The following NOL4 variants were observed in gnomAD, a reference collection of about 807,000 sequenced individuals.
The protein encoded by NOL4 is nucleolar protein 4.
In NOL4, 17 loss-of-function variants were observed where a neutral mutation model predicts 75.9. The ratio of observed to expected loss-of-function variants is 0.22; its 90% CI spans 0.15 to 0.34. NOL4 has a LOEUF of 0.34. Ranked by LOEUF, NOL4 falls within the 10% of genes least tolerant of loss-of-function variation. NOL4 has a pLI of 1.00. For missense variants in NOL4, 614 were observed against 793.5 expected (o/e 0.77, Z 2.72); for synonymous variants, 292 against 289.9 (o/e 1.01, Z -0.07).
intron 5 of NOL4, among the ~76,000 whole-genome samples, chr18:34,041,431 A>G (rs1381145005): frequency 6.6e-6 from 1 of 151,174 alleles, no homozygotes; most frequent in Non-Finnish European, 1.5e-5. Context: ...ATCCTCCTCT[A>G]TGTGGCAGGT....
At chr18:33,910,275 G>A (rs1172615165) in intron 9 of NOL4, among the ~76,000 whole-genome samples, 1 of 152,154 alleles carries the variant, frequency 6.6e-6, no homozygotes, top group Non-Finnish European at 1.5e-5. Flanking sequence ...TATACCCACT[G>A]TGAACTTAAG....
intron 6 of NOL4, among the ~76,000 whole-genome samples, chr18:33,980,095 G>A (rs1300577666): frequency 2.6e-5 from 4 of 151,878 alleles, no homozygotes; most frequent in African/African-American, 7.3e-5. Context: ...AACAATTTTT[G>A]GATTTGTCAC....
chr18:34,198,150 CAACT>C (rs1371214752), intron 1 of NOL4, among the ~76,000 whole-genome samples: 4 of 151,732 alleles, frequency 2.6e-5, no homozygotes, highest in Admixed American at 1.3e-4. Flanking sequence ...AGAATAAAAA[CAACT>C]TGAATTTTTG....
chr18:34,003,194 T>C (rs1158313437), intron 6 of NOL4, among the ~76,000 whole-genome samples: 3 of 152,108 alleles, frequency 2.0e-5, no homozygotes, highest in Non-Finnish European at 4.4e-5. Flanking sequence ...TGGATTTTAT[T>C]GATATTTCCC....
chr18:34,135,702 A>AAAAAAAAC (rs1162521531), intron 1 of NOL4, among the ~76,000 whole-genome samples: 1 of 150,420 alleles, frequency 6.6e-6, no homozygotes, highest in Non-Finnish European at 1.5e-5. Flanking sequence ...CATCTCAAAA[A>AAAAAAAAC]AAAAAAAAAG....
intron 9 of NOL4, among the ~76,000 whole-genome samples, chr18:33,894,930 C>G (rs2065308768): frequency 6.6e-6 from 1 of 151,944 alleles, no homozygotes; most frequent in African/African-American, 2.4e-5. Context: ...TGACTGTAGT[C>G]AATAATGATA....
chr18:34,167,647 T>C (rs942684054), intron 1 of NOL4, among the ~76,000 whole-genome samples: 2 of 152,016 alleles, frequency 1.3e-5, no homozygotes, highest in East Asian at 3.9e-4. Context: ...CACATATGTA[T>C]GTGAAATCTT....
rs556093968 is a variant in NOL4 at position 34,184,184 on chromosome 18, G to A, written c.264+38806C>T. 8.2e-4 allele frequency among the ~76,000 whole-genome samples: 125 copies of A among 151,732 alleles called. 1 individual carries two copies. The highest frequency in any genetic ancestry group is 2.7e-3 in the African/African-American group (112 of 41,460). Reference sequence around the variant, plus strand: ...GCAAAGTAATTTCAAAGCTTCAGCCGAATTGAAACTGCAAACAGGCTCAGT... The same window carrying A: ...GCAAAGTAATTTCAAAGCTTCAGCCAAATTGAAACTGCAAACAGGCTCAGT... On this transcript the variant is annotated intron_variant, in intron 1 of 10. Coordinates refer to ENST00000261592, the MANE Select transcript of NOL4 (RefSeq NM_003787.5).
intron 5 of NOL4, among the ~76,000 whole-genome samples, chr18:34,069,924 A>G (rs2077438044): frequency 6.6e-6 from 1 of 152,240 alleles, no homozygotes; most frequent in East Asian, 1.9e-4. Context: ...AGAAAGTCCT[A>G]TGCATCCCTC....
chr18:34,090,653 GA>G (rs1181350445), intron 5 of NOL4, among the ~76,000 whole-genome samples: 3 of 149,086 alleles, frequency 2.0e-5, no homozygotes, highest in East Asian at 2.0e-4. Context: ...AATGGCACCA[GA>G]AAAAAAAAGG....
chr18:34,158,581 C>G (rs575325811), intron 1 of NOL4: 27 of 152,250 alleles, frequency 1.8e-4, no homozygotes, highest in African/African-American at 5.1e-4. Context: ...CTCGTTTTTA[C>G]GTACTATGTA....
intron 10 of NOL4, among the ~76,000 whole-genome samples, chr18:33,878,460 A>G (rs2064063642): frequency 6.6e-6 from 1 of 152,124 alleles, no homozygotes; most frequent in African/African-American, 2.4e-5. Flanking sequence ...TGTGCTTAGA[A>G]AAGTTCCATG....
chr18:34,095,596 T>C (rs76226351), intron 4 of NOL4, among the ~76,000 whole-genome samples: 2,303 of 152,230 alleles, frequency 0.015, 19 homozygotes, highest in Middle Eastern at 0.034. Flanking sequence ...AAAATTGTGC[T>C]GCTCTCACAG....
chr18:34,035,626 A>C (rs1431509687), intron 5 of NOL4, among the ~76,000 whole-genome samples: 1 of 152,074 alleles, frequency 6.6e-6, no homozygotes, highest in Admixed American at 6.5e-5. Context: ...AAAGGAAAAA[A>C]AAATAATGAT....
intron 5 of NOL4, among the ~76,000 whole-genome samples, chr18:34,077,632 C>T (rs115775891): frequency 1.1e-3 from 173 of 151,778 alleles, no homozygotes; most frequent in African/African-American, 4.0e-3. Flanking sequence ...TACCAAAGAT[C>T]CTAATTTTAA....
At chr18:34,118,395 A>G (rs528335836) in intron 2 of NOL4, among the ~76,000 whole-genome samples, 29 of 152,198 alleles carry the variant, frequency 1.9e-4, no homozygotes, top group Admixed American at 3.9e-4. Flanking sequence ...AACCCTCTGC[A>G]ATATATGTAA....
chr18:34,201,519 A>G (rs1248178164), intron 1 of NOL4, among the ~76,000 whole-genome samples: 1 of 151,934 alleles, frequency 6.6e-6, no homozygotes, highest in East Asian at 1.9e-4. Context: ...TAAGGATTAC[A>G]CAAAGATAGT....
chr18:34,157,893 C>T (rs1459914016), intron 1 of NOL4, among the ~76,000 whole-genome samples: 1 of 152,044 alleles, frequency 6.6e-6, no homozygotes, highest in Non-Finnish European at 1.5e-5. Context: ...AAACATGTTT[C>T]GAATTCATAG....
chr18:33,912,592 C>A (rs2066474750), intron 9 of NOL4, among the ~76,000 whole-genome samples: 1 of 151,910 alleles, frequency 6.6e-6, no homozygotes, highest in South Asian at 2.1e-4. Flanking sequence ...CAACATAAGC[C>A]TTTTGTTCCT....
Sources: allele counts gnomAD v4.1 joint callset (sites outside exome capture counted in the v4.1 genomes callset), GRCh38; gene constraint gnomAD v4.1.1; transcripts MANE v1.5; gene names NCBI Gene and HGNC (gene_info 2026-07-23, HGNC 2026-07-21).